Variants in ENTPD1 observed in about 807,000 individuals in gnomAD.
ENTPD1 encodes the protein ATP diphosphohydrolase.
Under a neutral mutation model 57.0 loss-of-function variants are expected in ENTPD1, and 33 were observed. The observed-to-expected ratio is 0.58, with a 90% CI of 0.44 to 0.77. The LOEUF is 0.77. ENTPD1 is among the 30% of genes least tolerant of loss of function. The pLI is 0.00. For missense variants in ENTPD1, 501 were observed against 603.4 expected (o/e 0.83, Z 1.78); for synonymous variants, 202 against 218.8 (o/e 0.92, Z 0.68).
intron 1 of ENTPD1, among the ~76,000 whole-genome samples, chr10:95,801,280 A>G (rs960826545): frequency 3.3e-5 from 5 of 152,020 alleles, no homozygotes; most frequent in South Asian, 2.1e-4. Flanking sequence ...GCCCATTCCT[A>G]TGTCTGGAAT....
intron 2 of ENTPD1, among the ~76,000 whole-genome samples, chr10:95,835,457 G>A (rs186367886): frequency 1.3e-5 from 2 of 152,312 alleles, no homozygotes; most frequent in Non-Finnish European, 2.9e-5. Flanking sequence ...TATATACCTA[G>A]TAATGGGATT....
rs1160221654 is a variant in ENTPD1, at chr10:95,767,314, C to CA, written c.16+11078dup. 8.2e-3 allele frequency among the ~76,000 whole-genome samples: 554 copies of CA among 67,734 alleles called. 2 individuals are homozygous for CA. Among genetic ancestry groups the CA allele is most frequent in the African/African-American group, 0.011 (196 of 17,914 alleles). 44.4% of individuals were successfully genotyped at this position (67,734 alleles called of 152,430 possible). A position where few individuals can be genotyped will look rare whatever the true frequency, so the allele number is the denominator to read the frequency against. ...TGGGAGACAGAGCGAGACTCCATCTCAAAAAAAAAAAAAAAAAAAGAAAGA... is the reference window on the plus strand; with the variant it reads ...TGGGAGACAGAGCGAGACTCCATCTCAAAAAAAAAAAAAAAAAAAAGAAAGA... On this transcript the variant is annotated intron_variant, in intron 1 of 9. Coordinates refer to ENST00000371205, the MANE Select transcript of ENTPD1 (RefSeq NM_001776.6).
chr10:95,765,712 C>A (rs2098085915), intron 1 of ENTPD1, among the ~76,000 whole-genome samples: 1 of 152,148 alleles, frequency 6.6e-6, no homozygotes, highest in African/African-American at 2.4e-5. Context: ...AGGTTGTCAA[C>A]TTCTGCAAGG....
upstream of ENTPD1, among the ~76,000 whole-genome samples, chr10:95,707,843 G>A (rs546364040): frequency 5.3e-4 from 81 of 152,304 alleles, no homozygotes; most frequent in South Asian, 3.9e-3. Context: ...GACCTCAAGT[G>A]ATCTGCCCAC....
At chr10:95,831,844 C>G (rs1242094227) in intron 2 of ENTPD1, among the ~76,000 whole-genome samples, 1 of 152,196 alleles carries the variant, frequency 6.6e-6, no homozygotes, top group African/African-American at 2.4e-5. Context: ...ACATTGAGGA[C>G]AGGGAATGGA....
At chr10:95,719,224 G>T (rs74150998) in intron 1 of ENTPD1, among the ~76,000 whole-genome samples, 2,911 of 152,292 alleles carry the variant, frequency 0.019, 105 homozygotes, top group African/African-American at 0.067. Flanking sequence ...TCGGACCTGT[G>T]TAAGGATTCC....
chr10:95,801,988 G>A (rs537730638), intron 1 of ENTPD1, among the ~76,000 whole-genome samples: 38 of 152,174 alleles, frequency 2.5e-4, no homozygotes, highest in Non-Finnish European at 2.1e-4. Flanking sequence ...ATTTGTTTGT[G>A]TCATCTCTGA....
intron 1 of ENTPD1, among the ~76,000 whole-genome samples, chr10:95,775,004 C>T (rs187745385): frequency 5.3e-5 from 8 of 152,214 alleles, no homozygotes; most frequent in African/African-American, 1.2e-4. Flanking sequence ...TTTTTTATTT[C>T]GTTGAGCAGT....
Position 95,857,482 on chromosome 10 carries a change from T to TA in ENTPD1, c.1075-2980dup, listed in dbSNP as rs545177796. Among the ~76,000 whole-genome samples, 288 of 152,260 alleles carry TA rather than the reference T, an allele frequency of 1.9e-3. 2 individuals carry two copies. Among genetic ancestry groups the TA allele is most frequent in the Non-Finnish European group, 3.6e-3 (246 of 68,012 alleles). On this transcript the variant is annotated intron_variant, in intron 7 of 9. Transcript: ENST00000371205. ...TTAGTGCTTTATTACATGCTCATTA[T>TA]AAAAAAACTGTACAAAAAGCTTAAA... is the stretch of plus-strand genomic sequence containing the variant.
At chr10:95,758,770 A>T (rs537137861) in intron 1 of ENTPD1, among the ~76,000 whole-genome samples, 1 of 152,318 alleles carries the variant, frequency 6.6e-6, no homozygotes, top group African/African-American at 2.4e-5. Flanking sequence ...ACAGAGGATG[A>T]CCATATAGCA....
intron 1 of ENTPD1, among the ~76,000 whole-genome samples, chr10:95,788,693 A>G (rs1391601067): frequency 2.6e-5 from 4 of 152,200 alleles, no homozygotes; most frequent in African/African-American, 4.8e-5. Flanking sequence ...ACAATAATAA[A>G]TAATCATAAT....
upstream of ENTPD1, among the ~76,000 whole-genome samples, chr10:95,750,789 C>T (rs530124815): frequency 7.2e-5 from 11 of 152,048 alleles, no homozygotes; most frequent in South Asian, 4.1e-4. Flanking sequence ...CTTTGGGAGG[C>T]CAAGGTGGGC....
chr10:95,860,648 G>C (rs2098463839), intron 8 of ENTPD1, 66 bp downstream of exon 8: 1 of 1,373,770 alleles, frequency 7.3e-7, no homozygotes, highest in Non-Finnish European at 1.0e-6. Flanking sequence ...TGCAGAGGAT[G>C]TGAGTCTGCT....
intron 1 of ENTPD1, among the ~76,000 whole-genome samples, chr10:95,742,916 TA>T (rs2098001984): frequency 6.6e-6 from 1 of 152,240 alleles, no homozygotes; most frequent in Admixed American, 6.5e-5. Context: ...TACAGAAAGT[TA>T]CCAGGTACTC....
At chr10:95,828,224 G>A (rs144839061) in intron 2 of ENTPD1, among the ~76,000 whole-genome samples, 4 of 152,188 alleles carry the variant, frequency 2.6e-5, no homozygotes, top group African/African-American at 4.8e-5. Flanking sequence ...TTATAGGACC[G>A]CGAACCCTAT....
At chr10:95,776,584 C>T (rs953953885) in intron 1 of ENTPD1, among the ~76,000 whole-genome samples, 1 of 151,068 alleles carries the variant, frequency 6.6e-6, no homozygotes, top group African/African-American at 2.4e-5. Context: ...TTTTCCTTCA[C>T]CTTGGTGAAT....
chr10:95,699,620 G>T, the ENTPD1 span, among the ~76,000 whole-genome samples: 90 of 151,564 alleles, frequency 5.9e-4, no homozygotes, highest in Non-Finnish European at 1.2e-3. Context: ...AAAAAAGAAA[G>T]AGAGAGATTG....
At chr10:95,739,936 G>A (rs1310294341) in intron 1 of ENTPD1, among the ~76,000 whole-genome samples, 1 of 152,144 alleles carries the variant, frequency 6.6e-6, no homozygotes, top group Non-Finnish European at 1.5e-5. Flanking sequence ...TCATCTTCTT[G>A]TACATTTCCA....
chr10:95,782,501 T>A (rs747897545), intron 1 of ENTPD1, among the ~76,000 whole-genome samples: 1 of 152,010 alleles, frequency 6.6e-6, no homozygotes, highest in Non-Finnish European at 1.5e-5. Context: ...CAAGAAAAAA[T>A]TGGAAACATG....
Sources: allele counts gnomAD v4.1 joint callset (sites outside exome capture counted in the v4.1 genomes callset), GRCh38; gene constraint gnomAD v4.1.1; transcripts MANE v1.5; gene names NCBI Gene and HGNC (gene_info 2026-07-23, HGNC 2026-07-21).